GABRA4: variants seen among roughly 807,000 people sequenced by gnomAD.
GABRA4 encodes the protein gamma-aminobutyric acid type A receptor subunit alpha4.
A neutral mutation model predicts 49.7 loss-of-function variants in GABRA4; 12 were observed. The ratio of observed to expected loss-of-function variants is 0.24; its 90% CI spans 0.15 to 0.39. GABRA4 has a LOEUF of 0.39. GABRA4 is among the 10% of genes least tolerant of loss of function. The pLI is 1.00. For synonymous variants in GABRA4, 288 were observed against 240.2 expected (o/e 1.20, Z -1.84); for missense variants, 506 against 686.0 (o/e 0.74, Z 2.93).
intron 7 of GABRA4, among the ~76,000 whole-genome samples, chr4:46,970,881 C>T (rs924650741): frequency 6.6e-6 from 1 of 151,476 alleles, no homozygotes; most frequent in African/African-American, 2.4e-5. Flanking sequence ...AAATCTGATG[C>T]CTGGCCCCAG....
At chr4:46,971,036 T>C (rs746989176) in intron 7 of GABRA4, 47 bp downstream of exon 7, 2 of 1,553,162 alleles carry the variant, frequency 1.3e-6, no homozygotes, top group East Asian at 4.6e-5. Flanking sequence ...GAATCATGAA[T>C]AAAATGTAAT....
At chr4:46,983,003 G>A (rs112901610) in intron 2 of GABRA4, among the ~76,000 whole-genome samples, 1 of 152,142 alleles carries the variant, frequency 6.6e-6, no homozygotes, top group South Asian at 2.1e-4. Context: ...GTGCCAGGTA[G>A]GCTATTAGGT....
chr4:46,956,289 C>T (rs1474758726), intron 8 of GABRA4, among the ~76,000 whole-genome samples: 4 of 151,910 alleles, frequency 2.6e-5, no homozygotes, highest in African/African-American at 7.2e-5. Flanking sequence ...GCCTCATGTC[C>T]CTTTTCAAAC....
chr4:46,942,493 T>C (rs1721838623), intron 8 of GABRA4, among the ~76,000 whole-genome samples: 2 of 151,952 alleles, frequency 1.3e-5, no homozygotes, highest in African/African-American at 4.8e-5. Flanking sequence ...GACGTGGTGG[T>C]GCACACCTGT....
At chr4:46,970,257 T>C (rs899766348) in intron 7 of GABRA4, among the ~76,000 whole-genome samples, 1 of 151,386 alleles carries the variant, frequency 6.6e-6, no homozygotes, top group Non-Finnish European at 1.5e-5. Flanking sequence ...AGGTAGAAAA[T>C]CAAAGAGGAA....
rs559694715 is a variant in GABRA4 at position 46,978,785 on chromosome 4, C to T, written c.273+246G>A. Among the ~76,000 whole-genome samples, 7 of 149,596 alleles carry T rather than the reference C, an allele frequency of 4.7e-5. No homozygotes were observed. The South Asian group carries it at 6.3e-4, about 13-fold the overall frequency. ...TGCACCCTAGGTTGTGCTATAGGAACCAGTAATAGGAAAGTTCTTCTCTTT... is the reference window on the plus strand; with the variant it reads ...TGCACCCTAGGTTGTGCTATAGGAATCAGTAATAGGAAAGTTCTTCTCTTT... On this transcript the variant is annotated intron_variant, in intron 3 of 8. Coordinates refer to ENST00000264318, the MANE Select transcript of GABRA4 (RefSeq NM_000809.4).
intron 8 of GABRA4, among the ~76,000 whole-genome samples, chr4:46,949,092 C>T (rs1433320260): frequency 2.6e-5 from 4 of 152,174 alleles, no homozygotes; most frequent in Admixed American, 6.6e-5. Context: ...CTTCTTACCC[C>T]TCAATTTTAT....
chr4:46,989,400 A>C (rs1308161785), intron 2 of GABRA4, among the ~76,000 whole-genome samples: 2 of 152,160 alleles, frequency 1.3e-5, no homozygotes, highest in African/African-American at 2.4e-5. Flanking sequence ...ATAGCAACTG[A>C]TTTATTAGAG....
intron 8 of GABRA4, among the ~76,000 whole-genome samples, chr4:46,943,802 T>C (rs748246406): frequency 5.3e-5 from 8 of 152,120 alleles, no homozygotes; most frequent in Non-Finnish European, 1.2e-4. Flanking sequence ...ATTATTTATT[T>C]ATTTATATAT....
rs952884832 is a variant in GABRA4, at chr4:46,921,700, T to C, written c.*6525A>G. The C allele has an allele frequency of 6.6e-6, 1 of 151,990 alleles. No individual in the cohort carries two copies. The highest frequency in any genetic ancestry group is 2.4e-5 in the African/African-American group (1 of 41,396). The allele number at this position is 151,990 out of a possible 1,614,324, so 9.4% of individuals were successfully genotyped here. On this transcript the variant is annotated 3_prime_UTR_variant, in exon 9 of 9. Transcript: ENST00000264318. ...TGGTCTATTGGAAGTGCAAATAACA[T>C]ATGGTGACTCAGTTAAAGGTGGTGA...
chr4:46,946,012 A>G (rs896063602), intron 8 of GABRA4, among the ~76,000 whole-genome samples: 6 of 152,260 alleles, frequency 3.9e-5, no homozygotes, highest in African/African-American at 1.4e-4. Flanking sequence ...CTGACTGTTG[A>G]ACCCAAATTT....
At chr4:46,980,177 A>G (rs1283103617) in intron 2 of GABRA4, among the ~76,000 whole-genome samples, 1 of 152,126 alleles carries the variant, frequency 6.6e-6, no homozygotes, top group Non-Finnish European at 1.5e-5. Flanking sequence ...GACAGTAGTC[A>G]TTACTATGCA....
chr4:46,990,030 A>G (rs1006491392), intron 2 of GABRA4, among the ~76,000 whole-genome samples: 5 of 152,194 alleles, frequency 3.3e-5, no homozygotes, highest in African/African-American at 1.2e-4. Flanking sequence ...TTTCTCTGTC[A>G]CATTTGGAAT....
intron 8 of GABRA4, among the ~76,000 whole-genome samples, chr4:46,932,431 C>A (rs1264339126): frequency 1.3e-5 from 2 of 152,060 alleles, no homozygotes; most frequent in Non-Finnish European, 2.9e-5. Context: ...AAGAACTTAA[C>A]AAGCTGCACA....
rs1723054894 is a variant in GABRA4, at chr4:46,974,200, A to T, written c.721+32T>A. The T allele has an allele frequency of 4.4e-6, 7 of 1,584,238 alleles. No homozygotes were observed. In the African/African-American group the frequency reaches 9.5e-5, roughly 21 times the overall value. On this transcript the variant is annotated intron_variant, in intron 6 of 8. Transcript: ENST00000264318. ...GAAAACTTTATTGCTAACACCAAGT[A>T]GCATGTCGGCTTTAATCATTACACA...
intron 8 of GABRA4, among the ~76,000 whole-genome samples, chr4:46,933,507 A>G (rs1177358487): frequency 6.6e-6 from 1 of 152,170 alleles, no homozygotes; most frequent in East Asian, 1.9e-4. Context: ...TTTGAGGCTT[A>G]AATCATTGCT....
chr4:46,956,077 A>G (rs2109363488), intron 8 of GABRA4, among the ~76,000 whole-genome samples: 1 of 152,238 alleles, frequency 6.6e-6, no homozygotes, highest in Non-Finnish European at 1.5e-5. Context: ...GTTAGTTCTA[A>G]TATATTGGGC....
intron 8 of GABRA4, among the ~76,000 whole-genome samples, chr4:46,950,856 C>T (rs1722151176): frequency 6.6e-6 from 1 of 152,000 alleles, no homozygotes. Flanking sequence ...CTTATCAGAG[C>T]TCTTCCAGCC....
At chr4:46,936,845 T>C (rs1303232634) in intron 8 of GABRA4, among the ~76,000 whole-genome samples, 3 of 152,204 alleles carry the variant, frequency 2.0e-5, no homozygotes, top group African/African-American at 7.2e-5. Context: ...ATGTCAATTA[T>C]AGTAGTCAAA....
Sources: gnomAD v4.1 joint callset for allele counts (sites outside exome capture counted in the v4.1 genomes callset) on GRCh38, gnomAD v4.1.1 for gene constraint, MANE v1.5 for transcripts, NCBI Gene and HGNC (gene_info 2026-07-23, HGNC 2026-07-21) for gene names.